Variants in TIAM2 observed in about 807,000 individuals in gnomAD.
TIAM2 encodes rho guanine nucleotide exchange factor TIAM2.
In TIAM2, 80 loss-of-function variants were observed where a neutral mutation model predicts 152.9. The ratio of observed to expected loss-of-function variants is 0.52; its 90% confidence interval spans 0.44 to 0.63. TIAM2 has a LOEUF of 0.63. Ranked by LOEUF, TIAM2 falls within the 30% of genes least tolerant of loss-of-function variation. TIAM2 has a pLI of 0.00. For synonymous variants in TIAM2, 804 were observed against 838.0 expected, an observed-to-expected ratio of 0.96 and a Z score of 0.70; for missense variants, 1,965 against 2,120.1, an observed-to-expected ratio of 0.93 and a Z score of 1.44.
chr6:155,224,886 T>C (rs1342207931), intron 15 of TIAM2, among the ~76,000 whole-genome samples: 3 of 152,258 alleles, frequency 2.0e-5, no homozygotes, highest in Non-Finnish European at 4.4e-5. Flanking sequence ...AAATGCTGCA[T>C]GCCTGGAGGA....
At position 155,006,215 on chromosome 6, in the gene TIAM2, G is replaced by A. The variant is rs149462893; in HGVS notation, c.-209+10723G>A. ...ACCGAGTGCCTACCAAGTCCCTGACGTTGAGGTCAGTGGGGAACCAGATAC... is the reference window on the plus strand; with the variant it reads ...ACCGAGTGCCTACCAAGTCCCTGACATTGAGGTCAGTGGGGAACCAGATAC... On this transcript the variant is annotated intron_variant, in intron 1 of 26. Coordinates refer to ENST00000682666, the MANE Select transcript of TIAM2 (RefSeq NM_012454.4). 4.3e-3 allele frequency among the ~76,000 whole-genome samples: 658 copies of A among 152,264 alleles called. 6 individuals are homozygous for A. Among genetic ancestry groups the A allele is most frequent in the African/African-American group, 0.015 (610 of 41,578 alleles).
chr6:154,996,006 G>A (rs887066849), intron 1 of TIAM2, among the ~76,000 whole-genome samples: 1 of 152,086 alleles, frequency 6.6e-6, no homozygotes, highest in Non-Finnish European at 1.5e-5. Context: ...TAGACCGTGC[G>A]GTCCCTGCTC....
At chr6:155,138,141 T>G (rs1779598848) in intron 5 of TIAM2, among the ~76,000 whole-genome samples, 1 of 152,214 alleles carries the variant, frequency 6.6e-6, no homozygotes, top group South Asian at 2.1e-4. Flanking sequence ...GCACCCGGCC[T>G]ATTATAATGG....
chr6:155,243,457 A>G (rs1442317530), intron 16 of TIAM2, among the ~76,000 whole-genome samples: 1 of 152,196 alleles, frequency 6.6e-6, no homozygotes, highest in Non-Finnish European at 1.5e-5. Context: ...AGAGGGAATG[A>G]TCGAGCTGTA....
Position 155,174,375 on chromosome 6 carries a change from CT to C in TIAM2, c.2362-2428del, listed in dbSNP as rs982975061. Among the ~76,000 whole-genome samples, 291 of 144,158 alleles carry C rather than the reference CT, an allele frequency of 2.0e-3. No individual in the cohort carries two copies. The highest frequency in any genetic ancestry group is 2.0e-3 in the Admixed American group (29 of 14,382). The allele number at this position is 144,158 out of a possible 152,430, so 94.6% of individuals were successfully genotyped here. Reference sequence around the variant, plus strand: ...TTCATTTGGTCTCACGAGATGCAGTCTTTTTTTTTTTTTGAGATGGAGCCTC... The same window carrying C: ...TTCATTTGGTCTCACGAGATGCAGTCTTTTTTTTTTTTGAGATGGAGCCTC... On this transcript the variant is annotated intron_variant, in intron 9 of 26. Transcript: ENST00000682666. The surrounding 1 kb of genome is among the most constrained non-coding windows in gnomAD (Gnocchi z 4.2).
intron 6 of TIAM2, among the ~76,000 whole-genome samples, chr6:155,145,664 G>A (rs923471527): frequency 6.6e-6 from 1 of 152,118 alleles, no homozygotes; most frequent in Admixed American, 6.5e-5. Context: ...ACATCTGACT[G>A]GAAGTTTCAT....
At position 155,183,471 on chromosome 6, in the gene TIAM2, T is replaced by C; in HGVS notation, c.3035T>C (p.Leu1012Pro). 1 of 1,613,544 alleles carries C rather than the reference T, an allele frequency of 6.2e-7. No individual in the cohort carries two copies. The highest frequency in any genetic ancestry group is 8.5e-7 in the Non-Finnish European group (1 of 1,179,878). Residue 1012 changes from leucine (L) to proline (P), a missense_variant, in exon 14 of 27, where the codon CTG becomes CCG. Physicochemically the swap from Leu to Pro is moderately conservative, Grantham distance 98. Around this residue, in one of 3 missense-constraint regions of TIAM2, gnomAD observed 935 missense variants for 980.0 expected, o/e 0.95. Transcript: ENST00000682666. ...CAGTCCCAACTGCTGGAGGAATTCC[T>C]GGATAACTTTAAAAAGAATACAGCC... ...PNQSQLLEEF[L>P]DNFKKNTAND...
chr6:155,234,296 T>G (rs1782630749), intron 15 of TIAM2, among the ~76,000 whole-genome samples: 2 of 152,196 alleles, frequency 1.3e-5, no homozygotes, highest in African/African-American at 4.8e-5. Context: ...ATCTGTCTTT[T>G]GCTTTTATTT....
Position 155,256,889 on chromosome 6 carries a change from C to G in TIAM2, c.4874C>G (p.Pro1625Arg). The change falls in exon 27 of 27, where the codon CCC (proline) becomes CGC (arginine). Residue 1625 changes from proline (P) to arginine (R), a missense_variant. By Grantham distance (103) the Pro-to-Arg change is moderately radical. Transcript: ENST00000682666. ...SGEGQKGGEQPKLVRGHFCPI... is the reference protein window; with the variant it reads ...SGEGQKGGEQRKLVRGHFCPI... ...GAGGGTCAGAAAGGAGGAGAGCAGC[C>G]CAAACTGGTCCGGGGGCACTTCTGC... is the stretch of plus-strand genomic sequence containing the variant. 1.9e-6 allele frequency: 3 copies of G among 1,614,178 alleles called. No individual in the cohort carries two copies. The highest frequency in any genetic ancestry group is 1.1e-5 in the South Asian group (1 of 91,084).
chr6:155,224,915 C>G (rs1370922089), intron 15 of TIAM2, among the ~76,000 whole-genome samples: 2 of 152,202 alleles, frequency 1.3e-5, no homozygotes, highest in African/African-American at 4.8e-5. Context: ...ATCTTCCTAC[C>G]TTGCATGCCA....
chr6:155,209,484 G>T (rs536562598), intron 14 of TIAM2, among the ~76,000 whole-genome samples: 1 of 152,088 alleles, frequency 6.6e-6, no homozygotes, highest in East Asian at 1.9e-4. Context: ...CTTACTTCCC[G>T]TGCAGTTAGC....
rs542638436 is a variant in TIAM2, at chr6:155,100,013, A to G, written c.-118+9634A>G. Among the ~76,000 whole-genome samples the G allele has an allele frequency of 2.9e-3, 440 of 151,618 alleles. 2 individuals carry two copies. The highest frequency in any genetic ancestry group is 0.01 in the African/African-American group (420 of 41,394). ...AGAAAAGGTACAGTAAAAATATGGT[A>G]TCATAATCACGTGGAACCACCGTAT... On this transcript the variant is annotated intron_variant, in intron 2 of 26. Transcript: ENST00000682666.
chr6:155,109,106 C>T (rs1057496404), intron 2 of TIAM2, among the ~76,000 whole-genome samples: 1 of 152,146 alleles, frequency 6.6e-6, no homozygotes, highest in East Asian at 1.9e-4. Flanking sequence ...GCCTCAGCCT[C>T]CCGAGTAGCT....
In TIAM2 at chr6:155,056,238, C is replaced by T. The variant is rs1328882465; in HGVS notation, c.-208-34051C>T. Among the ~76,000 whole-genome samples, 3 of 132,062 alleles carry T rather than the reference C, an allele frequency of 2.3e-5. No homozygotes were observed. In the East Asian group the frequency reaches 7.0e-4, roughly 31 times the overall value. The allele number at this position is 132,062 out of a possible 152,430, so 86.6% of individuals were successfully genotyped here. A position where few individuals can be genotyped will look rare whatever the true frequency, so the allele number is the denominator to read the frequency against. ...CCAGGCTGGAGTGCAGTGGCGCGAT[C>T]TCGGCTCACTGCAACCTCCGCTTGC... On this transcript the variant is annotated intron_variant, in intron 1 of 26. Coordinates refer to ENST00000682666, the MANE Select transcript of TIAM2 (RefSeq NM_012454.4).
chr6:155,047,688 G>GAGAGAGAGAGGAGAGA (rs71023609), intron 1 of TIAM2, among the ~76,000 whole-genome samples: 4 of 44,684 alleles, frequency 9.0e-5, no homozygotes, highest in Admixed American at 3.6e-4. Context: ...GAGAGAGAGA[G>GAGAGAGAGAGGAGAGA]GAGAGAGAGA....
intron 7 of TIAM2, among the ~76,000 whole-genome samples, chr6:155,160,913 T>A (rs1035354877): frequency 6.6e-6 from 1 of 152,228 alleles, no homozygotes; most frequent in African/African-American, 2.4e-5. Flanking sequence ...AACTTTACAG[T>A]GTACAGTTTA....
intron 9 of TIAM2, among the ~76,000 whole-genome samples, chr6:155,168,434 T>C (rs1248800105): frequency 6.6e-6 from 1 of 152,174 alleles, no homozygotes; most frequent in Non-Finnish European, 1.5e-5. Context: ...CTCAGCTCAC[T>C]GCACCCTCCG....
At chr6:155,050,953 T>A (rs1220302253) in intron 1 of TIAM2, among the ~76,000 whole-genome samples, 1 of 152,060 alleles carries the variant, frequency 6.6e-6, no homozygotes, top group Non-Finnish European at 1.5e-5. Flanking sequence ...TCTCAAGATG[T>A]AACAGAATTT....
chr6:155,165,878 C>T (rs758587972), intron 9 of TIAM2, among the ~76,000 whole-genome samples: 2 of 151,854 alleles, frequency 1.3e-5, no homozygotes, highest in Non-Finnish European at 2.9e-5. Flanking sequence ...CACAAGTTGC[C>T]GTATCTATCC....
Sources: allele counts gnomAD v4.1 joint callset (sites outside exome capture counted in the v4.1 genomes callset), GRCh38; gene constraint gnomAD v4.1.1; regional missense constraint gnomAD v4.1.1; non-coding constraint Gnocchi (gnomAD v3.1); transcripts MANE v1.5; gene names NCBI Gene and HGNC (gene_info 2026-07-23, HGNC 2026-07-21).